LDLRAD4: variants seen among roughly 807,000 people sequenced by gnomAD.
LDLRAD4 encodes the protein low density lipoprotein receptor class A domain containing 4.
LDLRAD4 carries 5 observed loss-of-function variants against 17.0 expected under a neutral mutation model. That is an observed-to-expected ratio of 0.29 (90% CI 0.15 to 0.62). LDLRAD4 has a LOEUF of 0.62. Ranked by LOEUF, LDLRAD4 falls within the 20% of genes least tolerant of loss-of-function variation. The probability of loss-of-function intolerance (pLI) is 0.84; values close to 1 mark genes in which losing one functional copy is unlikely to be tolerated. For synonymous variants in LDLRAD4, 168 were observed against 171.8 expected, an observed-to-expected ratio of 0.98 and a Z score of 0.17; for missense variants, 340 against 424.7, an observed-to-expected ratio of 0.80 and a Z score of 1.75.
chr18:13,335,738 T>G (rs1405224715), intron 1 of LDLRAD4, among the ~76,000 whole-genome samples: 3 of 152,244 alleles, frequency 2.0e-5, no homozygotes, highest in Admixed American at 6.5e-5. Context: ...ATTCTTGGCT[T>G]ATACTTTATT....
At chr18:13,452,719 C>T (rs1168743108) in intron 3 of LDLRAD4, among the ~76,000 whole-genome samples, 3 of 152,204 alleles carry the variant, frequency 2.0e-5, no homozygotes, top group Non-Finnish European at 4.4e-5. Context: ...GTATGAACTT[C>T]TCTCCACAAT....
chr18:13,334,092 A>C (rs2081991910), intron 1 of LDLRAD4, among the ~76,000 whole-genome samples: 1 of 152,082 alleles, frequency 6.6e-6, no homozygotes, highest in African/African-American at 2.4e-5. Context: ...AGAGTTTTAT[A>C]GTTTTCTCCA....
chr18:13,365,553 A>T (rs937360242), intron 1 of LDLRAD4, among the ~76,000 whole-genome samples: 1 of 152,232 alleles, frequency 6.6e-6, no homozygotes, highest in South Asian at 2.1e-4. Flanking sequence ...AATCCCCTCC[A>T]TGACGGTGTC....
chr18:13,291,119 C>T (rs1294826922), intron 1 of LDLRAD4, among the ~76,000 whole-genome samples: 2 of 152,354 alleles, frequency 1.3e-5, no homozygotes, highest in East Asian at 1.9e-4. Flanking sequence ...AGTCACAGCA[C>T]AGTATCTGCT....
intron 3 of LDLRAD4, among the ~76,000 whole-genome samples, chr18:13,453,950 TG>T (rs2091981833): frequency 6.6e-6 from 1 of 152,278 alleles, no homozygotes; most frequent in Admixed American, 6.5e-5. Context: ...CGGGAGCTAA[TG>T]GGCGCCGTGT....
chr18:13,432,636 T>C lies in LDLRAD4; in HGVS notation c.41-5608T>C, dbSNP rs1296640955. ...TTAGAGATGAGTTCTTTGCAGTCAGTTTTCCTCTCCTCTTTCCTCTGCATT... is the reference window on the plus strand; with the variant it reads ...TTAGAGATGAGTTCTTTGCAGTCAGCTTTCCTCTCCTCTTTCCTCTGCATT... On this transcript the variant is annotated intron_variant, in intron 2 of 5. Coordinates refer to ENST00000359446, the Ensembl canonical transcript of LDLRAD4. Among the ~76,000 whole-genome samples the C allele has an allele frequency of 2.0e-5, 3 of 152,196 alleles. No individual in the cohort carries two copies. In the East Asian group the frequency reaches 5.8e-4, roughly 29 times the overall value.
intron 4 of LDLRAD4, among the ~76,000 whole-genome samples, chr18:13,625,202 G>A (rs2041023605): frequency 6.6e-6 from 1 of 152,194 alleles, no homozygotes; most frequent in Non-Finnish European, 1.5e-5. Context: ...ATTAGAAAAT[G>A]ATGTTCTATT....
chr18:13,559,532 A>G (rs1172876167), intron 3 of LDLRAD4, among the ~76,000 whole-genome samples: 1 of 152,262 alleles, frequency 6.6e-6, no homozygotes, highest in South Asian at 2.1e-4. Context: ...TATCATATAT[A>G]TGTGTATGTA....
intron 2 of LDLRAD4, among the ~76,000 whole-genome samples, chr18:13,389,343 C>T (rs1225919487): frequency 6.6e-6 from 1 of 151,114 alleles, no homozygotes; most frequent in East Asian, 1.9e-4. Context: ...CCCCTCCAGT[C>T]AGGGGTGGGC....
At chr18:13,460,334 AG>A (rs1005251751) in intron 3 of LDLRAD4, among the ~76,000 whole-genome samples, 1 of 152,170 alleles carries the variant, frequency 6.6e-6, no homozygotes, top group Non-Finnish European at 1.5e-5. Context: ...CTGGAACTAC[AG>A]GCACACGCCA....
intron 3 of LDLRAD4, among the ~76,000 whole-genome samples, chr18:13,459,232 G>A (rs942747614): frequency 6.0e-5 from 9 of 148,916 alleles, no homozygotes; most frequent in Admixed American, 1.3e-4. Flanking sequence ...CAGCTACTCC[G>A]GAGGCTGAGG....
At chr18:13,437,899 CA>C (rs1324917027) in intron 2 of LDLRAD4, among the ~76,000 whole-genome samples, 1 of 152,216 alleles carries the variant, frequency 6.6e-6, no homozygotes, top group East Asian at 1.9e-4. Context: ...AGGATGTTTT[CA>C]AACCGAATAA....
intron 2 of LDLRAD4, among the ~76,000 whole-genome samples, chr18:13,426,600 C>T (rs146236825): frequency 2.0e-4 from 31 of 152,276 alleles, no homozygotes; most frequent in African/African-American, 6.5e-4. Flanking sequence ...GGGGAGTGCA[C>T]GCAATAGCTT....
At chr18:13,514,745 A>C (rs1383482154) in intron 3 of LDLRAD4, 3 of 152,268 alleles carry the variant, frequency 2.0e-5, no homozygotes, top group Non-Finnish European at 4.4e-5. Flanking sequence ...AATGCAATGC[A>C]GCTTGATGAG....
At chr18:13,648,562 T>C (rs1248490028) in exon 6 of LDLRAD4, 1 of 152,214 alleles carries the variant, frequency 6.6e-6, no homozygotes, top group African/African-American at 2.4e-5. Flanking sequence ...ATGGCTAGTG[T>C]GGCGTTGAAA....
At chr18:13,638,819 G>A (rs558405801) in intron 4 of LDLRAD4, among the ~76,000 whole-genome samples, 1 of 152,316 alleles carries the variant, frequency 6.6e-6, no homozygotes, top group African/African-American at 2.4e-5. Flanking sequence ...TGGGAACTGT[G>A]CAGAGCCCCT....
intron 1 of LDLRAD4, among the ~76,000 whole-genome samples, chr18:13,294,823 A>G (rs2046179173): frequency 2.3e-5 from 2 of 85,324 alleles, no homozygotes; most frequent in South Asian, 6.6e-4. Context: ...GTAAAATAGT[A>G]AAAAAAAAAA....
intron 3 of LDLRAD4, among the ~76,000 whole-genome samples, chr18:13,558,819 T>A (rs2094510439): frequency 6.6e-6 from 1 of 152,200 alleles, no homozygotes; most frequent in Non-Finnish European, 1.5e-5. Flanking sequence ...TCTGCCACCA[T>A]TGCTTTCTGT....
rs1465038155 is a variant in LDLRAD4 at position 13,440,279 on chromosome 18, C to A, written c.181+1895C>A. Among the ~76,000 whole-genome samples, 1 of 152,162 alleles carries A rather than the reference C, an allele frequency of 6.6e-6. No individual in the cohort carries two copies. Among genetic ancestry groups the A allele is most frequent in the African/African-American group, 2.4e-5 (1 of 41,464 alleles). On this transcript the variant is annotated intron_variant, in intron 3 of 5. Coordinates refer to ENST00000359446, the Ensembl canonical transcript of LDLRAD4. This position sits in a 1 kb window ranked among gnomAD's most constrained non-coding sequence, Gnocchi z 4.4. The stretch of plus-strand genomic sequence containing the variant: ...ACCCTCCTTCCTACCCTTCCCTCCT[C>A]CCTCGCTCCCTTTCTTGTCAGTATT...
Sources: gnomAD v4.1 joint callset for allele counts (sites outside exome capture counted in the v4.1 genomes callset) on GRCh38, gnomAD v4.1.1 for gene constraint, Gnocchi (gnomAD v3.1) non-coding constraint, MANE v1.5 for transcripts, NCBI Gene and HGNC (gene_info 2026-07-23, HGNC 2026-07-21) for gene names.